Variants in ZNF263 observed in about 807,000 individuals in gnomAD.
The protein encoded by ZNF263 is zinc finger protein FPM315.
A neutral mutation model predicts 63.1 loss-of-function variants in ZNF263; 49 were observed. The observed-to-expected ratio is 0.78, with a 90% confidence interval of 0.62 to 0.99. ZNF263 has a LOEUF of 0.99. Ranked by LOEUF, ZNF263 falls within the 50% of genes least tolerant of loss-of-function variation. The probability of loss-of-function intolerance (pLI) is 0.00; values close to 1 mark genes in which losing one functional copy is unlikely to be tolerated. For synonymous variants in ZNF263, 352 were observed against 324.2 expected (o/e 1.09, Z -0.92); for missense variants, 872 against 854.8 (o/e 1.02, Z -0.25).
chr16:3,300,321 T>C (rs771483036), intron 2 of ZNF263: 1 of 1,614,246 alleles, frequency 6.2e-7, no homozygotes. Flanking sequence ...CCACGCCTCT[T>C]ACCGGAACAC....
Position 3,283,623 on chromosome 16 carries a change from C to T in ZNF263, c.-196C>T. 1 of 762,604 alleles carries T rather than the reference C, an allele frequency of 1.3e-6. No individual in the cohort carries two copies. Among genetic ancestry groups the T allele is most frequent in the Non-Finnish European group, 1.8e-6 (1 of 558,464 alleles). The allele number at this position is 762,604 out of a possible 1,614,324, so 47.2% of individuals were successfully genotyped here. The stretch of plus-strand genomic sequence containing the variant: ...TGGCGCAGATGGGCCACGGGGCCGG[C>T]GTGGCGGCGCCTGGGACCGACTGAG... On this transcript the variant is annotated 5_prime_UTR_variant, in exon 1 of 6. Transcript: ENST00000219069.
chr16:3,292,574 A>G (rs767698437), downstream of ZNF263, among the ~76,000 whole-genome samples: 6 of 152,200 alleles, frequency 3.9e-5, no homozygotes, highest in Non-Finnish European at 5.9e-5. Flanking sequence ...TGGTGTTCCT[A>G]CAAAGCACTC....
At position 3,289,597 on chromosome 16, in the gene ZNF263, G is replaced by A. The variant is rs1959522813; in HGVS notation, c.1091G>A (p.Arg364Lys). ...EQALAGASSGRELGRPKELQP... is the reference protein window; with the variant it reads ...EQALAGASSGKELGRPKELQP... ...GCCTTGGCAGGAGCCTCAAGTGGCAGAGAACTGGGGCGACCGAAGGAACTG... is the reference window on the plus strand; with the variant it reads ...GCCTTGGCAGGAGCCTCAAGTGGCAAAGAACTGGGGCGACCGAAGGAACTG... The change falls in exon 6 of 6, where the codon AGA (arginine) becomes AAA (lysine). Residue 364 changes from arginine to lysine, a missense_variant. Arg to Lys is a conservative substitution (Grantham distance 26). Coordinates refer to ENST00000219069, the MANE Select transcript of ZNF263 (RefSeq NM_005741.5). 2 of 1,614,040 alleles carry A rather than the reference G, an allele frequency of 1.2e-6. No individual in the cohort carries two copies. Among genetic ancestry groups the A allele is most frequent in the Non-Finnish European group, 1.7e-6 (2 of 1,180,042 alleles).
rs1229725622 is a variant in ZNF263 at position 3,284,220 on chromosome 16, G to C, written c.387+15G>C. On this transcript the variant is annotated intron_variant, in intron 1 of 5. Coordinates refer to ENST00000219069, the MANE Select transcript of ZNF263 (RefSeq NM_005741.5). ...TGAGACAACAGGTGAGAGAGAGAGA[G>C]AGCTGTTTTATCTGTGGTTTGTTTA... 2.6e-6 allele frequency: 4 copies of C among 1,510,620 alleles called. No homozygotes were observed. The highest frequency in any genetic ancestry group is 1.8e-4 in the Middle Eastern group (1 of 5,592). 93.6% of individuals were successfully genotyped at this position (1,510,620 alleles called of 1,614,324 possible).
At chr16:3,292,134 G>T (rs969511218), downstream of ZNF263, among the ~76,000 whole-genome samples, 7 of 152,118 alleles carry the variant, frequency 4.6e-5, no homozygotes, top group African/African-American at 1.4e-4. Context: ...TCTAAGAGTA[G>T]GAAATCGGAT....
chr16:3,288,545 C>T lies in ZNF263; in HGVS notation c.861C>T (p.Gly287=). ...WDPSVQSCKE[G]LSPRGPAPGE... Reference sequence around the variant, plus strand: ...CCAGTGTCCAGAGCTGCAAGGAGGGCCTGAGCCCCAGAGGCCCAGCTCCAG... The same window carrying T: ...CCAGTGTCCAGAGCTGCAAGGAGGGTCTGAGCCCCAGAGGCCCAGCTCCAG... Residue 287 remains glycine (G), a synonymous_variant, in exon 5 of 6, where the codon GGC becomes GGT. Coordinates refer to ENST00000219069, the MANE Select transcript of ZNF263 (RefSeq NM_005741.5). 1.2e-6 allele frequency: 2 copies of T among 1,611,624 alleles called. No homozygotes were observed. The highest frequency in any genetic ancestry group is 1.7e-6 in the Non-Finnish European group (2 of 1,178,994).
downstream of ZNF263, among the ~76,000 whole-genome samples, chr16:3,292,129 G>C (rs1314535688): frequency 2.0e-5 from 3 of 152,126 alleles, no homozygotes; most frequent in African/African-American, 7.2e-5. Context: ...AGTATTCTAA[G>C]AGTAGGAAAT....
At chr16:3,300,804 T>G in intron 2 of ZNF263, 1 of 973,980 alleles carries the variant, frequency 1.0e-6, no homozygotes, top group South Asian at 2.4e-5. Flanking sequence ...GGTGGAGGTC[T>G]TATGCACTCA....
chr16:3,285,254 T>C lies in ZNF263; in HGVS notation c.568+15T>C, dbSNP rs781766076. On this transcript the variant is annotated intron_variant, in intron 2 of 5. Coordinates refer to ENST00000219069, the MANE Select transcript of ZNF263 (RefSeq NM_005741.5). ...AAAGGAGAGGGGTGAGGCACAGTTA[T>C]CTGGGCAGGTGGGAGGGAGGAGGGG... The C allele has an allele frequency of 3.7e-6, 6 of 1,603,630 alleles. No homozygotes were observed. The highest frequency in any genetic ancestry group is 3.4e-5 in the Admixed American group (2 of 59,148).
intron 4 of ZNF263, among the ~76,000 whole-genome samples, chr16:3,288,231 G>A (rs1313798473): frequency 2.0e-5 from 3 of 150,050 alleles, no homozygotes; most frequent in African/African-American, 4.9e-5. Flanking sequence ...CAGCCTGGGC[G>A]ACAGAGTGAG....
chr16:3,300,414 C>T (rs1467704239), intron 2 of ZNF263: 2 of 1,614,232 alleles, frequency 1.2e-6, no homozygotes, highest in Non-Finnish European at 1.7e-6. Context: ...TCTTTCTCTT[C>T]TCAGCCCCTA....
chr16:3,290,844 G>A lies in ZNF263; in HGVS notation c.*286G>A. 8.7e-7 allele frequency: 1 copy of A among 1,153,266 alleles called. No individual in the cohort carries two copies. Among genetic ancestry groups the A allele is most frequent in the Non-Finnish European group, 1.1e-6 (1 of 935,234 alleles). The allele number at this position is 1,153,266 out of a possible 1,614,324, so 71.4% of individuals were successfully genotyped here. A position where few individuals can be genotyped will look rare whatever the true frequency, so the allele number is the denominator to read the frequency against. On this transcript the variant is annotated 3_prime_UTR_variant, in exon 6 of 6. Coordinates refer to ENST00000219069, the MANE Select transcript of ZNF263 (RefSeq NM_005741.5). ...CTCCTACCCTCTTGGTCTTTTTAAAGCCAAGGTGCGATTTGGGCACCTGAC... is the reference window on the plus strand; with the variant it reads ...CTCCTACCCTCTTGGTCTTTTTAAAACCAAGGTGCGATTTGGGCACCTGAC...
intron 1 of ZNF263, among the ~76,000 whole-genome samples, chr16:3,298,394 G>A (rs1438652004): frequency 6.6e-6 from 1 of 152,150 alleles, no homozygotes; most frequent in Admixed American, 6.5e-5. Flanking sequence ...AATATGTTAA[G>A]ACAGTAAGAG....
In ZNF263 at chr16:3,290,266, G is replaced by A. The variant is rs748521824; in HGVS notation, c.1760G>A (p.Gly587Asp). 3 of 1,613,898 alleles carry A rather than the reference G, an allele frequency of 1.9e-6. No individual in the cohort carries two copies. The highest frequency in any genetic ancestry group is 2.2e-5 in the South Asian group (2 of 91,082). The part of the protein sequence containing the change: ...CLTCGKSFRQ[G>D]MHLTRHQRTH... ...ACTTGTGGGAAAAGCTTCCGGCAGG[G>A]CATGCACCTCACCAGACATCAGAGA... is the stretch of plus-strand genomic sequence containing the variant. Residue 587 changes from glycine to aspartate, a missense_variant, in exon 6 of 6, where the codon GGC becomes GAC. Coordinates refer to ENST00000219069, the MANE Select transcript of ZNF263 (RefSeq NM_005741.5).
At chr16:3,284,945 G>T (rs938086134) in intron 1 of ZNF263, 114 bp from the exon 2 acceptor site, 16 of 1,322,804 alleles carry the variant, frequency 1.2e-5, no homozygotes, top group Non-Finnish European at 1.5e-5. Context: ...TGTTACCTGG[G>T]CCCAAAGGGA....
At chr16:3,294,824 A>G (rs762403434), downstream of ZNF263, among the ~76,000 whole-genome samples, 9 of 152,204 alleles carry the variant, frequency 5.9e-5, no homozygotes, top group African/African-American at 9.6e-5. Flanking sequence ...AGCATCCCCA[A>G]CGTGCTCCAA....
At chr16:3,288,720 A>C (rs1251667653) in intron 5 of ZNF263, 150 bp downstream of exon 5, 2 of 527,082 alleles carry the variant, frequency 3.8e-6, no homozygotes, top group Non-Finnish European at 6.8e-6. Flanking sequence ...ATCTCGGCTC[A>C]CTGCAAGCTC....
chr16:3,299,336 A>G (rs1959862927), intron 2 of ZNF263: 3 of 1,591,292 alleles, frequency 1.9e-6, no homozygotes, highest in Non-Finnish European at 8.5e-7. Flanking sequence ...AACTCCCCAC[A>G]TTTTTCAAGA....
At chr16:3,300,570 T>C (rs1194689121) in intron 2 of ZNF263, 1 of 1,604,602 alleles carries the variant, frequency 6.2e-7, no homozygotes, top group Non-Finnish European at 8.5e-7. Context: ...GAACCTTCAT[T>C]TTCTCCTCCA....
Sources: gnomAD v4.1 joint callset for allele counts (sites outside exome capture counted in the v4.1 genomes callset) on GRCh38, gnomAD v4.1.1 for gene constraint, MANE v1.5 for transcripts, NCBI Gene and HGNC (gene_info 2026-07-23, HGNC 2026-07-21) for gene names.